PPP1R3A: variants seen among roughly 807,000 people sequenced by gnomAD.
The protein encoded by PPP1R3A is RG1.
In PPP1R3A, 29 loss-of-function variants were observed where a neutral mutation model predicts 41.7. That is an observed-to-expected ratio of 0.70 (90% CI 0.52 to 0.95). PPP1R3A has a LOEUF of 0.95. PPP1R3A is among the 40% of genes least tolerant of loss of function. The pLI, the probability that PPP1R3A is intolerant of heterozygous loss-of-function variation, is 0.00. For missense variants in PPP1R3A, 1,352 were observed against 1,292.4 expected (o/e 1.05, Z -0.71); for synonymous variants, 485 against 453.4 (o/e 1.07, Z -0.89).
intron 1 of PPP1R3A, among the ~76,000 whole-genome samples, chr7:113,892,327 G>T (rs532713087): frequency 6.6e-6 from 1 of 152,140 alleles, no homozygotes; most frequent in African/African-American, 2.4e-5. Context: ...CAGAAATGTC[G>T]AACAGGTTTT....
chr7:113,891,084 CAAAAA>C (rs11342726), intron 1 of PPP1R3A, among the ~76,000 whole-genome samples: 7 of 79,788 alleles, frequency 8.8e-5, no homozygotes, highest in African/African-American at 2.6e-4. Context: ...GGAAAAAAAG[CAAAAA>C]AAAAAAAAAA....
rs1797071673 is a variant in PPP1R3A, at chr7:113,902,123, T to G, written c.782+16092A>C. 2.0e-5 allele frequency among the ~76,000 whole-genome samples: 3 copies of G among 151,908 alleles called. No homozygotes were observed. In the South Asian group the frequency reaches 6.2e-4, roughly 32 times the overall value. Reference sequence around the variant, plus strand: ...TGAGAACTCAGTCCTGTTCCTCTTCTCTCTTTGTGTGTGTGTGTTTTTTAA... The same window carrying G: ...TGAGAACTCAGTCCTGTTCCTCTTCGCTCTTTGTGTGTGTGTGTTTTTTAA... On this transcript the variant is annotated intron_variant, in intron 1 of 3. Transcript: ENST00000284601.
chr7:113,897,705 C>A (rs755506700), intron 1 of PPP1R3A, among the ~76,000 whole-genome samples: 2 of 151,756 alleles, frequency 1.3e-5, no homozygotes, highest in African/African-American at 4.8e-5. Context: ...AGACAACTTG[C>A]CCCATTGAAG....
chr7:113,887,756 T>C (rs935628243), intron 1 of PPP1R3A, among the ~76,000 whole-genome samples: 5 of 151,466 alleles, frequency 3.3e-5, no homozygotes, highest in Non-Finnish European at 7.4e-5. Context: ...AATGGCCAGG[T>C]GTGGTGGCTC....
At chr7:113,906,574 A>C (rs1371464218) in intron 1 of PPP1R3A, among the ~76,000 whole-genome samples, 1 of 151,784 alleles carries the variant, frequency 6.6e-6, no homozygotes, top group Non-Finnish European at 1.5e-5. Context: ...GGAGATCCAG[A>C]TGGAGATGTA....
intron 1 of PPP1R3A, among the ~76,000 whole-genome samples, chr7:113,911,197 A>G (rs921337928): frequency 6.6e-6 from 1 of 152,090 alleles, no homozygotes; most frequent in Non-Finnish European, 1.5e-5. Flanking sequence ...TCTTTTTATC[A>G]TAAGATCTTT....
chr7:113,886,687 T>G (rs551828519), intron 1 of PPP1R3A, among the ~76,000 whole-genome samples: 17 of 152,132 alleles, frequency 1.1e-4, no homozygotes, highest in Admixed American at 5.2e-4. Context: ...CAATTCTAGT[T>G]TCAAATAATT....
chr7:113,878,519 G>C lies in PPP1R3A; in HGVS notation c.2573C>G (p.Ala858Gly). The change falls in exon 4 of 4, where the codon GCA (alanine) becomes GGA (glycine). Residue 858 changes from alanine (A) to glycine (G), a missense_variant. By Grantham distance (60) the Ala-to-Gly change is moderately conservative. Transcript: ENST00000284601. Reference protein sequence around the residue: ...SSWVITEYQKATSKLDLQLGM... With the variant: ...SSWVITEYQKGTSKLDLQLGM... ...CAACTGTAAATCCAGTTTTGAAGTT[G>C]CTTTTTGATATTCTGTAATGACCCA... 6.2e-7 allele frequency: 1 copy of C among 1,613,418 alleles called. No individual in the cohort carries two copies. The highest frequency in any genetic ancestry group is 1.7e-5 in the Admixed American group (1 of 59,900).
In PPP1R3A at chr7:113,900,064, C is replaced by CTT. The variant is rs11311268; in HGVS notation, c.783-17746_783-17745dup. Among the ~76,000 whole-genome samples the CTT allele has an allele frequency of 9.9e-4, 148 of 150,038 alleles. No homozygotes were observed. In the Middle Eastern group the frequency reaches 0.021, roughly 21 times the overall value. ...CCATACTTCAATGAATTTAAATTTA[C>CTT]TTTTTTTTTTAACTTAAAGGAAGCC... On this transcript the variant is annotated intron_variant, in intron 1 of 3. Coordinates refer to ENST00000284601, the MANE Select transcript of PPP1R3A (RefSeq NM_002711.4).
In PPP1R3A at chr7:113,878,071, A is replaced by C. The variant is rs1371450925; in HGVS notation, c.3021T>G (p.Ser1007=). 1 of 1,613,272 alleles carries C rather than the reference A, an allele frequency of 6.2e-7. No homozygotes were observed. Among genetic ancestry groups the C allele is most frequent in the Admixed American group, 1.7e-5 (1 of 59,858 alleles). Residue 1007 remains serine (S), a synonymous_variant, in exon 4 of 4, where the codon TCT becomes TCG. Coordinates refer to ENST00000284601, the MANE Select transcript of PPP1R3A (RefSeq NM_002711.4). ...TGTTGATTAAAATCATTGGCCCTAG[A>C]GATTTTTCCACACTATACTCTTCTG... ...FQTEEYSVEK[S]LGPMILINKP...
intron 1 of PPP1R3A, among the ~76,000 whole-genome samples, chr7:113,892,102 C>G (rs1796901039): frequency 6.6e-6 from 1 of 152,072 alleles, no homozygotes; most frequent in Non-Finnish European, 1.5e-5. Context: ...TCACCTCTCA[C>G]TCTATGATAA....
Position 113,877,533 on chromosome 7 carries a change from G to A in PPP1R3A, c.*190C>T. ...TCTCATATTCATATAGGTATTTAAT[G>A]ATCCAAACATAATGGTCCTATATAG... On this transcript the variant is annotated 3_prime_UTR_variant, in exon 4 of 4. Coordinates refer to ENST00000284601, the MANE Select transcript of PPP1R3A (RefSeq NM_002711.4). 1 of 538,738 alleles carries A rather than the reference G, an allele frequency of 1.9e-6. No homozygotes were observed. The highest frequency in any genetic ancestry group is 3.1e-6 in the Non-Finnish European group (1 of 325,518). 33.4% of individuals were successfully genotyped at this position (538,738 alleles called of 1,614,324 possible). A position where few individuals can be genotyped will look rare whatever the true frequency, so the allele number is the denominator to read the frequency against.
At chr7:113,881,051 T>C (rs1275556608) in intron 3 of PPP1R3A, among the ~76,000 whole-genome samples, 1 of 152,056 alleles carries the variant, frequency 6.6e-6, no homozygotes, top group Non-Finnish European at 1.5e-5. Context: ...GTATGTGATT[T>C]TTCAGGGCCC....
Position 113,880,055 on chromosome 7 carries a change from G to C in PPP1R3A, c.1037C>G (p.Pro346Arg). 1 of 1,610,292 alleles carries C rather than the reference G, an allele frequency of 6.2e-7. No individual in the cohort carries two copies. The highest frequency in any genetic ancestry group is 8.5e-7 in the Non-Finnish European group (1 of 1,177,106). ...CTCTGCTTTATTTGGAAAATTGACT[G>C]GATCTGTTGAAAATGTATTCCTTTC... ...RDERNTFSTDPVNFPNKAEGL... is the reference protein window; with the variant it reads ...RDERNTFSTDRVNFPNKAEGL... The change falls in exon 4 of 4, where the codon CCA becomes CGA. Residue 346 changes from proline to arginine, a missense_variant. Coordinates refer to ENST00000284601, the MANE Select transcript of PPP1R3A (RefSeq NM_002711.4).
intron 1 of PPP1R3A, among the ~76,000 whole-genome samples, chr7:113,901,274 G>A (rs374641581): frequency 2.0e-5 from 3 of 151,686 alleles, no homozygotes; most frequent in African/African-American, 7.2e-5. Context: ...AATAGACGGC[G>A]AAGGTCCATT....
intron 1 of PPP1R3A, among the ~76,000 whole-genome samples, chr7:113,904,611 T>C (rs1276163773): frequency 6.6e-6 from 1 of 151,384 alleles, no homozygotes; most frequent in Non-Finnish European, 1.5e-5. Flanking sequence ...AATACAAAAT[T>C]AAAAGAATAA....
intron 1 of PPP1R3A, among the ~76,000 whole-genome samples, chr7:113,903,874 T>C (rs990281090): frequency 1.3e-5 from 2 of 151,688 alleles, no homozygotes; most frequent in African/African-American, 2.4e-5. Flanking sequence ...TTTCTGTGCA[T>C]TCATCTCCAT....
At chr7:113,908,494 C>A (rs913967322) in intron 1 of PPP1R3A, among the ~76,000 whole-genome samples, 1 of 151,784 alleles carries the variant, frequency 6.6e-6, no homozygotes. Flanking sequence ...ATTGATAGAA[C>A]AAATAGCTTT....
intron 1 of PPP1R3A, among the ~76,000 whole-genome samples, chr7:113,908,353 T>C (rs1342696301): frequency 6.6e-6 from 1 of 151,928 alleles, no homozygotes; most frequent in South Asian, 2.1e-4. Context: ...TGTGTGTGTG[T>C]ATTTTTTCCA....
Sources: gnomAD v4.1 joint callset for allele counts (sites outside exome capture counted in the v4.1 genomes callset) on GRCh38, gnomAD v4.1.1 for gene constraint, MANE v1.5 for transcripts, NCBI Gene and HGNC (gene_info 2026-07-23, HGNC 2026-07-21) for gene names.